Variants in ARHGEF10 observed in about 807,000 individuals in gnomAD.
The protein encoded by ARHGEF10 is Rho guanine nucleotide exchange factor (GEF) 10.
ARHGEF10 carries 140 observed loss-of-function variants against 147.4 expected under a neutral mutation model. The observed-to-expected ratio is 0.95, with a 90% CI of 0.83 to 1.09. The LOEUF is 1.09. Among genes scored for constraint, ARHGEF10 ranks in the 50% least tolerant of loss-of-function variants. The pLI is 0.00. For missense variants in ARHGEF10, 2,222 were observed against 1,752.7 expected, an observed-to-expected ratio of 1.27 and a Z score of -4.78; for synonymous variants, 902 against 695.8, an observed-to-expected ratio of 1.30 and a Z score of -4.67.
intron 11 of ARHGEF10, among the ~76,000 whole-genome samples, chr8:1,890,654 C>T (rs946235624): frequency 1.3e-5 from 2 of 149,860 alleles, no homozygotes; most frequent in African/African-American, 2.5e-5. Flanking sequence ...TGTGAGGAGA[C>T]ACTAAGTGGG....
intron 25 of ARHGEF10, among the ~76,000 whole-genome samples, chr8:1,930,283 C>T (rs3779701): frequency 0.015 from 2,239 of 152,162 alleles, 22 homozygotes; most frequent in Admixed American, 0.023. Context: ...TTGGCGGGTC[C>T]TGTTATCTTT....
intron 2 of ARHGEF10, among the ~76,000 whole-genome samples, chr8:1,854,427 AT>A (rs1057354018): frequency 1.3e-5 from 2 of 152,134 alleles, no homozygotes; most frequent in African/African-American, 2.4e-5. Context: ...TAGAAAGGCT[AT>A]TTTTTTCTTA....
At chr8:1,858,850 T>C (rs1053434242) in intron 3 of ARHGEF10, 1 of 160,424 alleles carries the variant, frequency 6.2e-6, no homozygotes, top group Non-Finnish European at 1.4e-5. Flanking sequence ...GCACAGTGTT[T>C]CTCTCTGCTT....
intron 11 of ARHGEF10, among the ~76,000 whole-genome samples, chr8:1,891,948 A>AAT (rs932554805): frequency 5.3e-5 from 8 of 149,776 alleles, no homozygotes; most frequent in African/African-American, 1.2e-4. Flanking sequence ...ATACATACAT[A>AAT]ATATATATAC....
intron 4 of ARHGEF10, among the ~76,000 whole-genome samples, chr8:1,863,204 G>A (rs1051865682): frequency 5.3e-5 from 8 of 152,158 alleles, no homozygotes; most frequent in African/African-American, 9.7e-5. Flanking sequence ...TCAGGAAGGT[G>A]GCCCGGAACA....
chr8:1,936,699 T>A (rs1442991162), intron 26 of ARHGEF10, among the ~76,000 whole-genome samples: 1 of 152,228 alleles, frequency 6.6e-6, no homozygotes, highest in Non-Finnish European at 1.5e-5. Context: ...TTAGGAGGGA[T>A]GTATCAGTTC....
At chr8:1,891,449 G>A (rs975452033) in intron 11 of ARHGEF10, among the ~76,000 whole-genome samples, 1 of 152,166 alleles carries the variant, frequency 6.6e-6, no homozygotes, top group African/African-American at 2.4e-5. Flanking sequence ...ATAAAGAAGG[G>A]TCGTTCTTTA....
intron 17 of ARHGEF10, among the ~76,000 whole-genome samples, chr8:1,908,628 G>A (rs937641059): frequency 1.3e-5 from 2 of 152,208 alleles, no homozygotes; most frequent in East Asian, 3.8e-4. Context: ...GGGATTTCCT[G>A]GGGCTGCGGG....
chr8:1,903,848 CTT>C (rs1193028961), intron 16 of ARHGEF10: 2 of 271,164 alleles, frequency 7.4e-6, no homozygotes, highest in Non-Finnish European at 1.4e-5. Context: ...AAGCCCAGCA[CTT>C]TGGGAGGCTG....
intron 15 of ARHGEF10, among the ~76,000 whole-genome samples, chr8:1,899,834 G>C (rs753461975): frequency 6.6e-6 from 1 of 152,214 alleles, no homozygotes; most frequent in South Asian, 2.1e-4. Flanking sequence ...GAGCTTCCTC[G>C]TGTGAGGGAG....
chr8:1,835,727 C>T (rs1585214148), intron 1 of ARHGEF10, among the ~76,000 whole-genome samples: 1 of 152,174 alleles, frequency 6.6e-6, no homozygotes, highest in East Asian at 1.9e-4. Flanking sequence ...GGTGTGTCCC[C>T]ACAGTCACGC....
chr8:1,840,560 G>C (rs1803951253), intron 1 of ARHGEF10, among the ~76,000 whole-genome samples: 1 of 150,320 alleles, frequency 6.7e-6, no homozygotes, highest in Admixed American at 6.7e-5. Flanking sequence ...GAAGCTGTCT[G>C]ATATGGGGAC....
intron 5 of ARHGEF10, among the ~76,000 whole-genome samples, chr8:1,864,846 C>CA (rs1474872455): frequency 6.6e-6 from 1 of 152,218 alleles, no homozygotes; most frequent in Non-Finnish European, 1.5e-5. Flanking sequence ...CCAGTTTAAA[C>CA]AGAGTTGTGC....
chr8:1,954,584 C>T (rs7386942), intron 28 of ARHGEF10, among the ~76,000 whole-genome samples: 92,840 of 152,000 alleles, frequency 0.61, 28,633 homozygotes, highest in East Asian at 0.78. Context: ...TAAATGGTAA[C>T]GAGAAGAGGC....
intron 16 of ARHGEF10, chr8:1,904,367 A>G (rs1810719759): frequency 1.3e-5 from 2 of 152,226 alleles, no homozygotes; most frequent in South Asian, 2.1e-4. Context: ...ATTGCTAAAA[A>G]TCATTATTGC....
intron 18 of ARHGEF10, among the ~76,000 whole-genome samples, chr8:1,909,963 G>A (rs1811238600): frequency 6.6e-6 from 1 of 152,198 alleles, no homozygotes. Flanking sequence ...TTCCCAAGGT[G>A]AAAGGAGAGG....
chr8:1,836,715 A>G (rs906461759), intron 1 of ARHGEF10, among the ~76,000 whole-genome samples: 1 of 152,028 alleles, frequency 6.6e-6, no homozygotes, highest in Non-Finnish European at 1.5e-5. Flanking sequence ...TCAGCCCCTG[A>G]TATGGTTTGG....
At chr8:1,865,836 G>A (rs982216936) in intron 5 of ARHGEF10, among the ~76,000 whole-genome samples, 9 of 152,288 alleles carry the variant, frequency 5.9e-5, no homozygotes, top group Non-Finnish European at 1.2e-4. Flanking sequence ...CGCTGCCACC[G>A]GGCTCATCCT....
intron 5 of ARHGEF10, among the ~76,000 whole-genome samples, chr8:1,865,975 G>C (rs1285204830): frequency 2.0e-5 from 3 of 152,338 alleles, no homozygotes; most frequent in African/African-American, 7.2e-5. Context: ...ATCCTTCCGA[G>C]TGGAGCATTC....
Sources: gnomAD v4.1 joint callset for allele counts (sites outside exome capture counted in the v4.1 genomes callset) on GRCh38, gnomAD v4.1.1 for gene constraint, MANE v1.5 for transcripts, NCBI Gene and HGNC (gene_info 2026-07-23, HGNC 2026-07-21) for gene names.